The following CCDC3 variants were observed in gnomAD, a reference collection of about 807,000 sequenced individuals.
CCDC3 encodes the protein coiled-coil domain containing 3, also known as coiled-coil domain-containing protein 3.
A neutral mutation model predicts 21.4 loss-of-function variants in CCDC3; 24 were observed. The observed-to-expected ratio is 1.12, with a 90% CI of 0.81 to 1.58. The LOEUF is 1.58. Among genes scored for constraint, CCDC3 ranks in the 40% most tolerant of loss-of-function variants. CCDC3 has a pLI of 0.00. For synonymous variants in CCDC3, 186 were observed against 166.0 expected (o/e 1.12, Z -0.93); for missense variants, 425 against 360.9 (o/e 1.18, Z -1.44).
At chr10:12,941,899 G>C (rs1250021440) in intron 2 of CCDC3, among the ~76,000 whole-genome samples, 1 of 152,178 alleles carries the variant, frequency 6.6e-6, no homozygotes, top group East Asian at 1.9e-4. Context: ...AATAGGAGGA[G>C]GACTAAGTAA....
intron 2 of CCDC3, among the ~76,000 whole-genome samples, chr10:12,991,600 C>T (rs1835684033): frequency 6.6e-6 from 1 of 152,172 alleles, no homozygotes; most frequent in South Asian, 2.1e-4. Flanking sequence ...CCCCAAATTG[C>T]TGGGATTACA....
chr10:13,064,142 T>G (rs567812771), intron 4 of CCDC3, among the ~76,000 whole-genome samples: 1 of 152,238 alleles, frequency 6.6e-6, no homozygotes, highest in African/African-American at 2.4e-5. Context: ...GCCAGGTTGG[T>G]CTCGATCTCC....
chr10:13,004,805 A>G (rs958757628), upstream of CCDC3, among the ~76,000 whole-genome samples: 1 of 152,110 alleles, frequency 6.6e-6, no homozygotes, highest in Non-Finnish European at 1.5e-5. Context: ...TTATGGGCTC[A>G]TTGAGTAAGC....
intron 5 of CCDC3, among the ~76,000 whole-genome samples, chr10:13,012,145 T>G (rs1340062912): frequency 6.6e-6 from 1 of 152,136 alleles, no homozygotes; most frequent in East Asian, 1.9e-4. Flanking sequence ...CTGGCAAAGA[T>G]TTCATGACGA....
At chr10:12,975,892 C>CA (rs913456770) in intron 2 of CCDC3, among the ~76,000 whole-genome samples, 3 of 152,182 alleles carry the variant, frequency 2.0e-5, no homozygotes, top group Non-Finnish European at 4.4e-5. Context: ...AGCCAGGCTG[C>CA]AAATTCAGGA....
chr10:12,975,455 A>C (rs1835402188), intron 2 of CCDC3, among the ~76,000 whole-genome samples: 1 of 152,156 alleles, frequency 6.6e-6, no homozygotes, highest in African/African-American at 2.4e-5. Flanking sequence ...GCAGCCTCTT[A>C]AGAGGAAACA....
intron 5 of CCDC3, among the ~76,000 whole-genome samples, chr10:13,044,036 T>C (rs772660670): frequency 1.3e-5 from 2 of 152,122 alleles, no homozygotes; most frequent in African/African-American, 4.8e-5. Flanking sequence ...TTTGACTTTT[T>C]AATAATAGCC....
In CCDC3 at chr10:13,009,950, C is replaced by G. The variant is rs1451743384; in HGVS notation, c.-1-11438G>C. Among the ~76,000 whole-genome samples, 10 of 152,092 alleles carry G rather than the reference C, an allele frequency of 6.6e-5. No homozygotes were observed. In the South Asian group the frequency reaches 1.2e-3, roughly 19 times the overall value. On this transcript the variant is annotated intron_variant, in intron 5 of 6. Transcript: ENST00000378839. Reference sequence around the variant, plus strand: ...ATATTCAGAATACATAAAGAATTCTCAAAACTGAATGATATAGCTGGGTGC... The same window carrying G: ...ATATTCAGAATACATAAAGAATTCTGAAAACTGAATGATATAGCTGGGTGC...
intron 5 of CCDC3, among the ~76,000 whole-genome samples, chr10:13,011,900 T>C (rs1298824045): frequency 1.3e-5 from 2 of 152,134 alleles, no homozygotes; most frequent in Non-Finnish European, 2.9e-5. Context: ...GGCACACACC[T>C]ACAACCATCT....
chr10:12,987,433 A>G (rs1327745416), intron 2 of CCDC3, among the ~76,000 whole-genome samples: 1 of 152,176 alleles, frequency 6.6e-6, no homozygotes, highest in Non-Finnish European at 1.5e-5. Context: ...CTCTGTCCTT[A>G]TTAGTATGTT....
intron 2 of CCDC3, among the ~76,000 whole-genome samples, chr10:12,941,170 A>T (rs7068196): frequency 0.13 from 19,772 of 152,156 alleles, 1,354 homozygotes; most frequent in African/African-American, 0.19. Flanking sequence ...CGTGGTGACG[A>T]GAGTGTCCTC....
At chr10:13,064,570 A>G (rs1404825933) in intron 4 of CCDC3, among the ~76,000 whole-genome samples, 1 of 152,086 alleles carries the variant, frequency 6.6e-6, no homozygotes, top group Non-Finnish European at 1.5e-5. Flanking sequence ...CAATCAATAC[A>G]TGTAAGATGT....
intron 2 of CCDC3, among the ~76,000 whole-genome samples, chr10:12,927,684 C>T (rs1306294409): frequency 6.6e-6 from 1 of 152,156 alleles, no homozygotes; most frequent in African/African-American, 2.4e-5. Context: ...AGTGAATTCT[C>T]TAATACACAC....
At chr10:13,089,627 C>T (rs1837154526) in intron 3 of CCDC3, among the ~76,000 whole-genome samples, 1 of 151,970 alleles carries the variant, frequency 6.6e-6, no homozygotes, top group Non-Finnish European at 1.5e-5. Context: ...TTCAGCACCC[C>T]CCCTTAAATT....
In CCDC3 at chr10:12,998,465, T is replaced by C. The variant is rs141159639; in HGVS notation, c.422A>G (p.Asp141Gly). ...CTCTTGAGTGTCTGGGAAGATGGCA[T>C]CTTGGAAATTGACTCCGTGAGGCAA... ...NLLPHGVNFQ[D>G]AIFPDTQENR... Residue 141 changes from aspartate (D) to glycine (G), a missense_variant, in exon 2 of 3, where the codon GAT becomes GGT. By Grantham distance (94) the Asp-to-Gly change is moderately conservative. Transcript: ENST00000378825. 8.1e-6 allele frequency: 13 copies of C among 1,614,030 alleles called. No homozygotes were observed. In the African/African-American group the frequency reaches 1.5e-4, roughly 18 times the overall value.
chr10:12,950,982 C>G (rs1443147762), intron 2 of CCDC3, among the ~76,000 whole-genome samples: 1 of 152,120 alleles, frequency 6.6e-6, no homozygotes, highest in Admixed American at 6.5e-5. Context: ...CTCGATAACA[C>G]GAAGGTTGAG....
At position 13,030,643 on chromosome 10, in the gene CCDC3, G is replaced by A. The variant is rs1207582443; in HGVS notation, c.-2+19031C>T. On this transcript the variant is annotated intron_variant, in intron 5 of 6. Transcript: ENST00000378839. ...ATAGGCTCAAGATAAAGGGATGGAGGAAGATCTACCAAGCAAATGGAAAGC... is the reference window on the plus strand; with the variant it reads ...ATAGGCTCAAGATAAAGGGATGGAGAAAGATCTACCAAGCAAATGGAAAGC... Among the ~76,000 whole-genome samples the A allele has an allele frequency of 5.3e-5, 8 of 152,070 alleles. 1 individual carries two copies. Among genetic ancestry groups the A allele is most frequent in the African/African-American group, 1.7e-4 (7 of 41,476 alleles).
intron 4 of CCDC3, among the ~76,000 whole-genome samples, chr10:13,053,156 C>G (rs1208311363): frequency 6.6e-6 from 1 of 152,104 alleles, no homozygotes; most frequent in African/African-American, 2.4e-5. Flanking sequence ...TTTCCTTCCT[C>G]TAATGCAAAC....
At chr10:12,915,659 C>A (rs1352920932) in intron 2 of CCDC3, among the ~76,000 whole-genome samples, 1 of 152,188 alleles carries the variant, frequency 6.6e-6, no homozygotes, top group Non-Finnish European at 1.5e-5. Flanking sequence ...TCTGGGCAGG[C>A]TGTCTTGTGT....
Sources: gnomAD v4.1 joint callset for allele counts (sites outside exome capture counted in the v4.1 genomes callset) on GRCh38, gnomAD v4.1.1 for gene constraint, MANE v1.5 for transcripts, NCBI Gene and HGNC (gene_info 2026-07-23, HGNC 2026-07-21) for gene names.